The following CACNG3 variants were observed in gnomAD, a reference collection of about 807,000 sequenced individuals.
The protein encoded by CACNG3 is calcium voltage-gated channel auxiliary subunit gamma 3, also known as voltage-dependent calcium channel gamma-3 subunit.
Under a neutral mutation model 28.5 loss-of-function variants are expected in CACNG3, and 3 were observed. The observed-to-expected ratio is 0.11, with a 90% CI of 0.05 to 0.27. The LOEUF is 0.27. Ranked by LOEUF, CACNG3 falls within the 10% of genes least tolerant of loss-of-function variation. The pLI is 1.00. For synonymous variants in CACNG3, 174 were observed against 162.2 expected, an observed-to-expected ratio of 1.07 and a Z score of -0.55; for missense variants, 236 against 414.4, an observed-to-expected ratio of 0.57 and a Z score of 3.74.
rs750145274 is a variant in CACNG3, at chr16:24,266,968, C to CTTTTT, written c.211+10015_211+10019dup. On this transcript the variant is annotated intron_variant, in intron 1 of 3. Coordinates refer to ENST00000005284, the MANE Select transcript of CACNG3 (RefSeq NM_006539.4). ...CTAGGGAAATAATTATTTTTAATTTCTTTTTTTTTTTTTTTTGAGATGGAG... is the reference window on the plus strand; with the variant it reads ...CTAGGGAAATAATTATTTTTAATTTCTTTTTTTTTTTTTTTTTTTTTGAGATGGAG... 2.1e-3 allele frequency among the ~76,000 whole-genome samples: 282 copies of CTTTTT among 137,350 alleles called. 4 individuals are homozygous for CTTTTT. Among genetic ancestry groups the CTTTTT allele is most frequent in the African/African-American group, 7.0e-3 (258 of 36,990 alleles). 90.1% of individuals were successfully genotyped at this position (137,350 alleles called of 152,430 possible). A position where few individuals can be genotyped will look rare whatever the true frequency, so the allele number is the denominator to read the frequency against.
chr16:24,295,994 C>T (rs1215685785), intron 1 of CACNG3, among the ~76,000 whole-genome samples: 1 of 152,226 alleles, frequency 6.6e-6, no homozygotes, highest in African/African-American at 2.4e-5. Context: ...TGAACCAGAG[C>T]CATCACCTTT....
intron 1 of CACNG3, among the ~76,000 whole-genome samples, chr16:24,265,469 GGA>G (rs139752998): frequency 5.1e-4 from 75 of 146,312 alleles, no homozygotes; most frequent in African/African-American, 1.4e-3. Flanking sequence ...AAGGAAGGAA[GGA>G]GAGAGAGAGA....
chr16:24,319,767 T>TTTTG (rs890491574), intron 1 of CACNG3, among the ~76,000 whole-genome samples: 2 of 151,830 alleles, frequency 1.3e-5, no homozygotes, highest in Non-Finnish European at 1.5e-5. Flanking sequence ...TCAGGGTTAT[T>TTTTG]TTTGTTTGTT....
intron 1 of CACNG3, among the ~76,000 whole-genome samples, chr16:24,284,948 C>T (rs1474262080): frequency 6.6e-6 from 1 of 151,324 alleles, no homozygotes; most frequent in Non-Finnish European, 1.5e-5. Context: ...AAAGAATTAG[C>T]CAAACATCTA....
At chr16:24,322,733 G>A (rs76718528) in intron 1 of CACNG3, among the ~76,000 whole-genome samples, 3,315 of 152,084 alleles carry the variant, frequency 0.022, 63 homozygotes, top group South Asian at 0.051. Flanking sequence ...CAGTCATTCC[G>A]TGTGCATATT....
intron 2 of CACNG3, among the ~76,000 whole-genome samples, chr16:24,349,494 T>A (rs1301836121): frequency 6.6e-6 from 1 of 152,212 alleles, no homozygotes; most frequent in Non-Finnish European, 1.5e-5. Context: ...GGCGAATTAT[T>A]CATAAGTTTT....
chr16:24,322,433 C>T (rs1190931924), intron 1 of CACNG3, among the ~76,000 whole-genome samples: 5 of 152,000 alleles, frequency 3.3e-5, no homozygotes, highest in Admixed American at 2.6e-4. Flanking sequence ...CTCCTCTGCC[C>T]CCTCCCCACT....
intron 2 of CACNG3, among the ~76,000 whole-genome samples, chr16:24,353,112 A>C (rs542745246): frequency 6.6e-6 from 1 of 152,262 alleles, no homozygotes; most frequent in African/African-American, 2.4e-5. Flanking sequence ...AGTAGCTGAG[A>C]TTACAGGTGC....
At chr16:24,343,009 G>A (rs1596649669) in intron 1 of CACNG3, among the ~76,000 whole-genome samples, 1 of 151,940 alleles carries the variant, frequency 6.6e-6, no homozygotes, top group Non-Finnish European at 1.5e-5. Flanking sequence ...GGACAATATG[G>A]CAAAACCCTT....
At chr16:24,345,668 C>T (rs888736793) in intron 1 of CACNG3, among the ~76,000 whole-genome samples, 1 of 152,174 alleles carries the variant, frequency 6.6e-6, no homozygotes, top group Non-Finnish European at 1.5e-5. Flanking sequence ...CCATTGCAAT[C>T]CAAACTGGGC....
At chr16:24,317,897 G>C (rs1490491879) in intron 1 of CACNG3, among the ~76,000 whole-genome samples, 1 of 152,148 alleles carries the variant, frequency 6.6e-6, no homozygotes, top group Non-Finnish European at 1.5e-5. Flanking sequence ...TGAGAGGTGA[G>C]AATTCCAGCC....
chr16:24,265,288 G>A (rs775699982), intron 1 of CACNG3, among the ~76,000 whole-genome samples: 2 of 141,488 alleles, frequency 1.4e-5, no homozygotes, highest in Non-Finnish European at 3.0e-5. Flanking sequence ...GGAAGGAAGG[G>A]AGGAAGGAAG....
intron 1 of CACNG3, among the ~76,000 whole-genome samples, chr16:24,281,332 G>A (rs1430276135): frequency 1.3e-5 from 2 of 151,866 alleles, no homozygotes; most frequent in African/African-American, 4.8e-5. Context: ...AGTAGCCAGG[G>A]AACTACAGGC....
At chr16:24,344,678 CTAT>C (rs1393538928) in intron 1 of CACNG3, among the ~76,000 whole-genome samples, 1 of 152,142 alleles carries the variant, frequency 6.6e-6, no homozygotes, top group Non-Finnish European at 1.5e-5. Context: ...GGTTCTGAGT[CTAT>C]TATTTGCCTG....
At chr16:24,279,590 C>T (rs1898793619) in intron 1 of CACNG3, among the ~76,000 whole-genome samples, 2 of 152,160 alleles carry the variant, frequency 1.3e-5, no homozygotes, top group Admixed American at 6.5e-5. Context: ...CAAGGGTGAC[C>T]CAGTTCGCCC....
chr16:24,288,443 G>C (rs373125471), intron 1 of CACNG3, among the ~76,000 whole-genome samples: 15 of 152,312 alleles, frequency 9.8e-5, no homozygotes, highest in East Asian at 5.8e-4. Context: ...TTCCTTAGGA[G>C]TATCGCTCGT....
At chr16:24,265,674 G>T (rs917611543) in intron 1 of CACNG3, among the ~76,000 whole-genome samples, 1 of 152,082 alleles carries the variant, frequency 6.6e-6, no homozygotes, top group Non-Finnish European at 1.5e-5. Flanking sequence ...TTTTAAAATG[G>T]TTGAAAAATT....
At position 24,354,927 on chromosome 16, in the gene CACNG3, C is replaced by G; in HGVS notation, c.390C>G (p.Ser130Arg). ...LCVAASEFHRSRHNVILSAGI... is the reference protein window; with the variant it reads ...LCVAASEFHRRRHNVILSAGI... ...TGGCAGCCAGTGAGTTCCACCGCAG[C>G]AGACACAACGTCATTCTCAGCGCGG... Residue 130 changes from serine to arginine, a missense_variant, in exon 3 of 4, where the codon AGC (serine) becomes AGG (arginine). Physicochemically the swap from Ser to Arg is moderately radical, Grantham distance 110. Coordinates refer to ENST00000005284, the MANE Select transcript of CACNG3 (RefSeq NM_006539.4). The G allele has an allele frequency of 8.1e-6, 13 of 1,612,616 alleles. No individual in the cohort carries two copies. The highest frequency in any genetic ancestry group is 1.1e-5 in the Non-Finnish European group (13 of 1,180,020).
At chr16:24,282,180 G>T (rs573937259) in intron 1 of CACNG3, among the ~76,000 whole-genome samples, 1 of 152,284 alleles carries the variant, frequency 6.6e-6, no homozygotes, top group African/African-American at 2.4e-5. Context: ...ATTTTCCCAT[G>T]AGGAAATGGA....
Sources: allele counts gnomAD v4.1 joint callset (sites outside exome capture counted in the v4.1 genomes callset), GRCh38; gene constraint gnomAD v4.1.1; transcripts MANE v1.5; gene names NCBI Gene and HGNC (gene_info 2026-07-23, HGNC 2026-07-21).